PAFAH1B1: variants seen among roughly 807,000 people sequenced by gnomAD.
PAFAH1B1 encodes the protein platelet-activating factor acetylhydrolase IB subunit beta.
A neutral mutation model predicts 57.5 loss-of-function variants in PAFAH1B1; 2 were observed. That is an observed-to-expected ratio of 0.03 (90% CI 0.01 to 0.11). The LOEUF is 0.11. Among genes scored for constraint, PAFAH1B1 ranks in the 10% least tolerant of loss-of-function variants. PAFAH1B1 has a pLI of 1.00. For synonymous variants in PAFAH1B1, 152 were observed against 169.6 expected, an observed-to-expected ratio of 0.90 and a Z score of 0.81; for missense variants, 257 against 512.0, an observed-to-expected ratio of 0.50 and a Z score of 4.81.
chr17:2,613,695 C>T (rs1051808524), intron 1 of PAFAH1B1: 3 of 288,842 alleles, frequency 1.0e-5, no homozygotes, highest in Non-Finnish European at 1.4e-5. Context: ...CAGACATCAT[C>T]CATGGTCCAC....
At chr17:2,598,598 CT>C (rs753116217) in intron 1 of PAFAH1B1, among the ~76,000 whole-genome samples, 822 of 140,296 alleles carry the variant, frequency 5.9e-3, no homozygotes, top group Middle Eastern at 0.011. Context: ...ACAACTATTA[CT>C]TTTTTTTTTT....
At chr17:2,617,157 A>G (rs1333514361) in intron 1 of PAFAH1B1, among the ~76,000 whole-genome samples, 1 of 152,322 alleles carries the variant, frequency 6.6e-6, no homozygotes, top group East Asian at 1.9e-4. Context: ...AGTCTGATTG[A>G]TTTCAAAGCC....
At chr17:2,613,136 A>G (rs1199415210) in intron 1 of PAFAH1B1, 1 of 149,160 alleles carries the variant, frequency 6.7e-6, no homozygotes, top group Non-Finnish European at 1.5e-5. Context: ...TTTTTTTCAC[A>G]TTTTCCTTTA....
In PAFAH1B1 at chr17:2,601,126, A is replaced by G. The variant is rs559086604; in HGVS notation, c.-191+7120A>G. 1.9e-3 allele frequency among the ~76,000 whole-genome samples: 291 copies of G among 152,004 alleles called. 1 individual carries two copies. Among genetic ancestry groups the G allele is most frequent in the African/African-American group, 6.8e-3 (280 of 41,468 alleles). On this transcript the variant is annotated intron_variant, in intron 1 of 10. Transcript: ENST00000397195. ...TGACTAAACTCATACATGAATATTTATTTATTATTTATTTATTTATTTTTC... is the reference window on the plus strand; with the variant it reads ...TGACTAAACTCATACATGAATATTTGTTTATTATTTATTTATTTATTTTTC...
intron 2 of PAFAH1B1, among the ~76,000 whole-genome samples, chr17:2,648,659 CAG>C (rs1371073855): frequency 7.4e-6 from 1 of 134,804 alleles, no homozygotes; most frequent in Non-Finnish European, 1.5e-5. Flanking sequence ...TGCTGGGCAA[CAG>C]AGTGAGACTC....
rs909244155 is a variant in PAFAH1B1, at chr17:2,683,573, CTTGT to C, written c.*1778_*1781del. On this transcript the variant is annotated 3_prime_UTR_variant, in exon 11 of 11. Coordinates refer to ENST00000397195, the MANE Select transcript of PAFAH1B1 (RefSeq NM_000430.4). ...TAGCTTGTGTCTTTTTGTTTGTTTG[CTTGT>C]TTGTTTTTAGATTCCTGAGAGATGT... is the stretch of plus-strand genomic sequence containing the variant. The C allele has an allele frequency of 1.3e-5, 2 of 152,120 alleles. No homozygotes were observed. The highest frequency in any genetic ancestry group is 6.5e-5 in the Admixed American group (1 of 15,268). The allele number at this position is 152,120 out of a possible 1,614,324, so 9.4% of individuals were successfully genotyped here. A position where few individuals can be genotyped will look rare whatever the true frequency, so the allele number is the denominator to read the frequency against.
Position 2,593,893 on chromosome 17 carries a change from CCCCTCCTTCCCTCCCT to C in PAFAH1B1, c.-293_-278del, listed in dbSNP as rs1567519149. ...GCCCGGGCCCAGCGCGCCATCCTCC[CCCCTCCTTCCCTCCCT>C]CCCTCCTTCCTCCCTCCCCTCTCCC... On this transcript the variant is annotated 5_prime_UTR_variant, in exon 1 of 11. Transcript: ENST00000397195. 2.3e-5 allele frequency: 8 copies of C among 348,324 alleles called. No individual in the cohort carries two copies. Among genetic ancestry groups the C allele is most frequent in the African/African-American group, 4.4e-5 (2 of 45,810 alleles). 21.6% of individuals were successfully genotyped at this position (348,324 alleles called of 1,614,324 possible).
chr17:2,623,406 C>G (rs185749740), intron 1 of PAFAH1B1, among the ~76,000 whole-genome samples: 43 of 151,066 alleles, frequency 2.8e-4, no homozygotes, highest in Admixed American at 2.5e-3. Flanking sequence ...CTACAGGTGA[C>G]CACCACCACA....
At chr17:2,639,145 G>A (rs914666616) in intron 2 of PAFAH1B1, among the ~76,000 whole-genome samples, 28 of 150,074 alleles carry the variant, frequency 1.9e-4, no homozygotes, top group African/African-American at 5.1e-4. Context: ...TGATCCGCCT[G>A]CCTCGGCCTC....
intron 1 of PAFAH1B1, among the ~76,000 whole-genome samples, chr17:2,620,145 G>T (rs746602524): frequency 2.0e-5 from 3 of 152,108 alleles, no homozygotes; most frequent in Non-Finnish European, 4.4e-5. Context: ...AGAAGAAAGT[G>T]CGTAATCTCT....
At chr17:2,607,291 A>T in intron 1 of PAFAH1B1, among the ~76,000 whole-genome samples, 1 of 151,904 alleles carries the variant, frequency 6.6e-6, no homozygotes. Flanking sequence ...CCCCTCCCTC[A>T]GCCTCCTGAG....
In PAFAH1B1 at chr17:2,683,201, C is replaced by G. The variant is rs1173066642; in HGVS notation, c.*1399C>G. 3 of 152,104 alleles carry G rather than the reference C, an allele frequency of 2.0e-5. No individual in the cohort carries two copies. The highest frequency in any genetic ancestry group is 2.9e-5 in the Non-Finnish European group (2 of 68,022). 9.4% of individuals were successfully genotyped at this position (152,104 alleles called of 1,614,324 possible). ...ACCCGGATATGTTGTATATTTTGAC[C>G]CAAAGTTACAGGTAGGTTTAAGAGA... On this transcript the variant is annotated 3_prime_UTR_variant, in exon 11 of 11. Transcript: ENST00000397195.
At chr17:2,599,128 G>T (rs931634654) in intron 1 of PAFAH1B1, among the ~76,000 whole-genome samples, 1 of 152,258 alleles carries the variant, frequency 6.6e-6, no homozygotes, top group East Asian at 1.9e-4. Context: ...TGTCATAAAC[G>T]TTTCTCTAGA....
In PAFAH1B1 at chr17:2,667,200, T is replaced by TA. The variant is rs992650964; in HGVS notation, c.399+4dup. 1.2e-6 allele frequency: 2 copies of TA among 1,610,156 alleles called. No individual in the cohort carries two copies. The highest frequency in any genetic ancestry group is 1.7e-6 in the Non-Finnish European group (2 of 1,176,606). On this transcript the variant is annotated splice_region_variant and intron_variant, in intron 5 of 10. Coordinates refer to ENST00000397195, the MANE Select transcript of PAFAH1B1 (RefSeq NM_000430.4). ...GCTTCAGAGGATGCTACAATTAAGGTAATTTTTTGTTAAAAGCAGACTTAA... is the reference window on the plus strand; with the variant it reads ...GCTTCAGAGGATGCTACAATTAAGGTAAATTTTTTGTTAAAAGCAGACTTAA...
At chr17:2,663,638 C>T (rs1432830063) in intron 2 of PAFAH1B1, among the ~76,000 whole-genome samples, 1 of 151,656 alleles carries the variant, frequency 6.6e-6, no homozygotes, top group African/African-American at 2.4e-5. Flanking sequence ...TTAACTGGAT[C>T]AGATTGTTGG....
chr17:2,593,453 C>G (rs1053995238), upstream of PAFAH1B1: 1 of 152,882 alleles, frequency 6.5e-6, no homozygotes, highest in Non-Finnish European at 1.5e-5. Flanking sequence ...CGCAGACTCG[C>G]CCGCCGGCCG....
chr17:2,621,603 CTGTCTTTTTTTTTTTTTTT>C (rs2068421845), intron 1 of PAFAH1B1, among the ~76,000 whole-genome samples: 1 of 87,148 alleles, frequency 1.1e-5, no homozygotes, highest in African/African-American at 7.5e-5. Flanking sequence ...GGTAGATAAT[CTGTCTTTTTTTTTTTTTTT>C]TTTTTTTTTT....
chr17:2,610,779 A>G (rs978466758), intron 1 of PAFAH1B1, among the ~76,000 whole-genome samples: 7 of 152,208 alleles, frequency 4.6e-5, no homozygotes, highest in Admixed American at 3.3e-4. Flanking sequence ...TGTAATTATT[A>G]TTATCCTCTT....
intron 1 of PAFAH1B1, among the ~76,000 whole-genome samples, chr17:2,636,184 T>C (rs569972185): frequency 1.3e-5 from 2 of 152,198 alleles, no homozygotes; most frequent in Non-Finnish European, 2.9e-5. Flanking sequence ...TATGGTTTAC[T>C]GGCTTGTCTG....
Sources: allele counts gnomAD v4.1 joint callset (sites outside exome capture counted in the v4.1 genomes callset), GRCh38; gene constraint gnomAD v4.1.1; transcripts MANE v1.5; gene names NCBI Gene and HGNC (gene_info 2026-07-23, HGNC 2026-07-21).